Variants in THSD4 observed in about 807,000 individuals in gnomAD.
The protein encoded by THSD4 is thrombospondin type 1 domain containing 4.
Under a neutral mutation model 119.0 loss-of-function variants are expected in THSD4, and 69 were observed. The ratio of observed to expected loss-of-function variants is 0.58; its 90% CI spans 0.48 to 0.71. The LOEUF is 0.71. Ranked by LOEUF, THSD4 falls within the 30% of genes least tolerant of loss-of-function variation. The pLI is 0.00. For synonymous variants in THSD4, 524 were observed against 540.4 expected (o/e 0.97, Z 0.42); for missense variants, 1,393 against 1,391.1 (o/e 1.00, Z -0.02).
At chr15:71,597,805 G>A (rs1045305403) in intron 7 of THSD4, among the ~76,000 whole-genome samples, 6 of 152,120 alleles carry the variant, frequency 3.9e-5, no homozygotes, top group East Asian at 1.9e-4. Flanking sequence ...GTCCCCAGGC[G>A]TGGCTTCCAA....
At chr15:71,656,389 CA>C in intron 7 of THSD4, among the ~76,000 whole-genome samples, 1 of 151,978 alleles carries the variant, frequency 6.6e-6, no homozygotes, top group South Asian at 2.1e-4. Context: ...AACATTATAA[CA>C]ATAAGAAAGT....
At chr15:71,490,952 T>C (rs1470843230) in intron 7 of THSD4, among the ~76,000 whole-genome samples, 2 of 152,220 alleles carry the variant, frequency 1.3e-5, no homozygotes, top group East Asian at 1.9e-4. Flanking sequence ...ATATATTACC[T>C]GGCCCCTTAA....
chr15:71,633,451 T>C (rs1387543798), intron 7 of THSD4, among the ~76,000 whole-genome samples: 1 of 152,010 alleles, frequency 6.6e-6, no homozygotes. Flanking sequence ...ATTTTTGTAT[T>C]TTTCGTAGAG....
At chr15:71,526,442 C>T (rs1026126474) in intron 7 of THSD4, among the ~76,000 whole-genome samples, 3 of 152,052 alleles carry the variant, frequency 2.0e-5, no homozygotes, top group East Asian at 1.9e-4. Flanking sequence ...GAAATGCAGT[C>T]GTTTTGGCAG....
At chr15:71,236,524 A>G (rs993704023) in intron 4 of THSD4, among the ~76,000 whole-genome samples, 3 of 152,248 alleles carry the variant, frequency 2.0e-5, no homozygotes, top group Non-Finnish European at 4.4e-5. Flanking sequence ...CCTCAGGGCC[A>G]TAATAGTTTA....
chr15:71,531,215 A>G (rs533435117), intron 7 of THSD4, among the ~76,000 whole-genome samples: 50 of 152,136 alleles, frequency 3.3e-4, no homozygotes, highest in Non-Finnish European at 6.9e-4. Flanking sequence ...CTGGCTAAGG[A>G]CTTCTTAAAT....
At chr15:71,478,298 G>A (rs2047680123) in intron 7 of THSD4, among the ~76,000 whole-genome samples, 2 of 152,092 alleles carry the variant, frequency 1.3e-5, no homozygotes, top group Non-Finnish European at 2.9e-5. Flanking sequence ...TGACTTTCTT[G>A]TGTCTTCGTC....
At chr15:71,348,808 C>G (rs1304527994) in intron 6 of THSD4, among the ~76,000 whole-genome samples, 1 of 152,202 alleles carries the variant, frequency 6.6e-6, no homozygotes, top group African/African-American at 2.4e-5. Flanking sequence ...TGCATTCCAA[C>G]AAGGAGTTAC....
chr15:71,749,693 A>T (rs6494965), intron 14 of THSD4, among the ~76,000 whole-genome samples: 130,871 of 147,342 alleles, frequency 0.89, 58,144 homozygotes, highest in Non-Finnish European at 0.92. Flanking sequence ...TTATATTTTT[A>T]AATTTTTATT....
At chr15:71,763,924 G>A (rs1194417766) in intron 15 of THSD4, among the ~76,000 whole-genome samples, 1 of 152,038 alleles carries the variant, frequency 6.6e-6, no homozygotes, top group Admixed American at 6.5e-5. Flanking sequence ...AAATTAGCCA[G>A]GTGTGGTGAC....
At chr15:71,770,877 G>A (rs538127235) in intron 16 of THSD4, among the ~76,000 whole-genome samples, 187 bp from the exon 17 acceptor site, 7 of 152,340 alleles carry the variant, frequency 4.6e-5, no homozygotes, top group South Asian at 2.1e-4. Flanking sequence ...GAGGGCTGGG[G>A]ATATGGATAG....
At chr15:71,301,031 G>A (rs150419321) in intron 6 of THSD4, among the ~76,000 whole-genome samples, 185 of 152,252 alleles carry the variant, frequency 1.2e-3, no homozygotes, top group African/African-American at 4.3e-3. Context: ...AATAATCTGG[G>A]CCTTTGCTGC....
At chr15:71,574,686 T>G (rs929676577) in intron 7 of THSD4, among the ~76,000 whole-genome samples, 1 of 152,140 alleles carries the variant, frequency 6.6e-6, no homozygotes, top group Non-Finnish European at 1.5e-5. Flanking sequence ...AGCCTCAGTT[T>G]GTAGTGCCCA....
chr15:71,413,397 T>C (rs995074561), intron 7 of THSD4, among the ~76,000 whole-genome samples: 5 of 152,230 alleles, frequency 3.3e-5, no homozygotes, highest in Admixed American at 2.6e-4. Context: ...CTTGATCTTA[T>C]TCATTCTAAC....
At chr15:71,100,734 C>T (rs926946260) in intron 1 of THSD4, among the ~76,000 whole-genome samples, 3 of 152,078 alleles carry the variant, frequency 2.0e-5, no homozygotes, top group African/African-American at 4.8e-5. Context: ...AATTCCAGCA[C>T]TTTGGGAGGC....
intron 8 of THSD4, among the ~76,000 whole-genome samples, chr15:71,669,285 T>A (rs896556538): frequency 1.3e-5 from 2 of 152,248 alleles, no homozygotes; most frequent in Non-Finnish European, 2.9e-5. Context: ...CTTGTAGTTT[T>A]CTTATTGATT....
chr15:71,450,214 G>T (rs8037770), intron 7 of THSD4, among the ~76,000 whole-genome samples: 130,430 of 152,242 alleles, frequency 0.86, 57,721 homozygotes, highest in East Asian at 1. Context: ...GGGTGGCTGC[G>T]TGTCCATATG....
intron 6 of THSD4, among the ~76,000 whole-genome samples, chr15:71,280,012 G>C (rs1039540570): frequency 3.3e-5 from 5 of 152,216 alleles, no homozygotes; most frequent in African/African-American, 4.8e-5. Context: ...TGTAAAGCAC[G>C]TGTATCAGTG....
At chr15:71,640,182 A>C (rs1397682595) in intron 7 of THSD4, among the ~76,000 whole-genome samples, 1 of 152,092 alleles carries the variant, frequency 6.6e-6, no homozygotes, top group African/African-American at 2.4e-5. Flanking sequence ...TCTTGGGCTC[A>C]AGCGATCCTC....
Sources: gnomAD v4.1 joint callset for allele counts (sites outside exome capture counted in the v4.1 genomes callset) on GRCh38, gnomAD v4.1.1 for gene constraint, MANE v1.5 for transcripts, NCBI Gene and HGNC (gene_info 2026-07-23, HGNC 2026-07-21) for gene names.